The following MGAT4C variants were observed in gnomAD, a reference collection of about 807,000 sequenced individuals.
MGAT4C encodes MGAT4 family member C, also known as alpha-1,3-mannosyl-glycoprotein 4-beta-N-acetylglucosaminyltransferase C.
A neutral mutation model predicts 40.1 loss-of-function variants in MGAT4C; 19 were observed. The observed-to-expected ratio is 0.47, with a 90% confidence interval of 0.33 to 0.70. The LOEUF (loss-of-function observed/expected upper bound fraction) is 0.70, where lower values mean the gene tolerates loss of function less well. Among genes scored for constraint, MGAT4C ranks in the 30% least tolerant of loss-of-function variants. The probability of loss-of-function intolerance (pLI) is 0.02; values close to 1 mark genes in which losing one functional copy is unlikely to be tolerated. For synonymous variants in MGAT4C, 181 were observed against 187.1 expected (o/e 0.97, Z 0.27); for missense variants, 491 against 563.2 (o/e 0.87, Z 1.30).
chr12:86,712,855 C>A (rs1431212436), intron 2 of MGAT4C, among the ~76,000 whole-genome samples: 1 of 152,064 alleles, frequency 6.6e-6, no homozygotes, highest in African/African-American at 2.4e-5. Flanking sequence ...TTTTCCACCA[C>A]CCAATACCTA....
intron 2 of MGAT4C, among the ~76,000 whole-genome samples, chr12:86,681,261 GGTGA>G (rs1949976223): frequency 6.6e-6 from 1 of 151,696 alleles, no homozygotes; most frequent in African/African-American, 2.4e-5. Flanking sequence ...TTGCTGATGA[GGTGA>G]TTTTTAAAAA....
chr12:86,118,644 A>T (rs1282405151), intron 1 of MGAT4C, among the ~76,000 whole-genome samples: 1 of 152,168 alleles, frequency 6.6e-6, no homozygotes, highest in Non-Finnish European at 1.5e-5. Context: ...GAAAAATGAT[A>T]TGTTTATAAA....
chr12:86,171,468 C>G (rs1482954901), intron 1 of MGAT4C, among the ~76,000 whole-genome samples: 1 of 152,142 alleles, frequency 6.6e-6, no homozygotes, highest in Non-Finnish European at 1.5e-5. Context: ...TTGCATAGCA[C>G]TTTGGTGTAC....
chr12:86,037,680 T>G (rs1341867032), intron 2 of MGAT4C, among the ~76,000 whole-genome samples: 1 of 136,708 alleles, frequency 7.3e-6, no homozygotes, highest in Non-Finnish European at 1.7e-5. Context: ...TCCATTCTTT[T>G]GCATTTGCTG....
intron 2 of MGAT4C, among the ~76,000 whole-genome samples, chr12:86,713,958 A>G (rs943711416): frequency 1.3e-5 from 2 of 152,190 alleles, no homozygotes; most frequent in African/African-American, 4.8e-5. Context: ...GAAGCATATT[A>G]GAAAATGGTT....
intron 2 of MGAT4C, among the ~76,000 whole-genome samples, chr12:86,537,153 T>C (rs1179347109): frequency 1.3e-5 from 2 of 151,126 alleles, no homozygotes; most frequent in African/African-American, 2.4e-5. Flanking sequence ...TTCTCACTCA[T>C]AGGTGGGAAT....
rs1882946827 is a variant in MGAT4C at position 85,958,648 on chromosome 12, A to G, written c.*20641T>C. On this transcript the variant is annotated 3_prime_UTR_variant, in exon 5 of 5. Coordinates refer to ENST00000611864, the MANE Select transcript of MGAT4C (RefSeq NM_001351288.2). Reference sequence around the variant, plus strand: ...ACCTGTTCAGTAAGTGTTGGCAACTATGAATTAATCTTTGACAAATTCACT... The same window carrying G: ...ACCTGTTCAGTAAGTGTTGGCAACTGTGAATTAATCTTTGACAAATTCACT... The G allele has an allele frequency of 1.3e-5, 2 of 152,148 alleles. No individual in the cohort carries two copies. The highest frequency in any genetic ancestry group is 2.1e-4 in the South Asian group (1 of 4,834). The allele number at this position is 152,148 out of a possible 1,614,324, so 9.4% of individuals were successfully genotyped here. A position where few individuals can be genotyped will look rare whatever the true frequency, so the allele number is the denominator to read the frequency against.
At chr12:86,081,163 A>G (rs1298389890) in intron 1 of MGAT4C, among the ~76,000 whole-genome samples, 1 of 152,288 alleles carries the variant, frequency 6.6e-6, no homozygotes, top group South Asian at 2.1e-4. Context: ...TAATAAAACA[A>G]TAGTAGTGAA....
rs1293479311 is a variant in MGAT4C, at chr12:86,811,489, C to T, written c.-262+27177G>A. Among the ~76,000 whole-genome samples the T allele has an allele frequency of 3.3e-5, 5 of 150,372 alleles. 1 individual carries two copies. The highest frequency in any genetic ancestry group is 7.4e-5 in the Non-Finnish European group (5 of 67,396). ...CCAGAGTAGCTGGGATTACAGGCAC[C>T]TGACACCACGCCCAGCAAATTTTTG... On this transcript the variant is annotated intron_variant, in intron 1 of 7. Transcript: ENST00000548651.
rs534644757 is a variant in MGAT4C, at chr12:86,553,782, T to C, written c.-228-118517A>G. Among the ~76,000 whole-genome samples, 3 of 152,310 alleles carry C rather than the reference T, an allele frequency of 2.0e-5. No individual in the cohort carries two copies. In the South Asian group the frequency reaches 6.2e-4, roughly 32 times the overall value. On this transcript the variant is annotated intron_variant, in intron 2 of 7. Transcript: ENST00000548651. ...TGCTATTAGGCCCATTTTTAGAAAT[T>C]GTAATTGGAAGCTTGACTTTCAGTT...
At chr12:86,081,740 G>A (rs1870874327) in intron 1 of MGAT4C, among the ~76,000 whole-genome samples, 1 of 151,942 alleles carries the variant, frequency 6.6e-6, no homozygotes. Context: ...AGAACATGCT[G>A]ATATATAAAA....
chr12:86,296,995 G>T (rs1200239706), intron 4 of MGAT4C, among the ~76,000 whole-genome samples: 9 of 152,146 alleles, frequency 5.9e-5, no homozygotes, highest in African/African-American at 1.7e-4. Context: ...TTGTAAAAAA[G>T]GCAGATAAAG....
intron 2 of MGAT4C, among the ~76,000 whole-genome samples, chr12:86,573,463 A>G (rs1013391519): frequency 6.6e-6 from 1 of 152,048 alleles, no homozygotes; most frequent in Non-Finnish European, 1.5e-5. Flanking sequence ...TCATTTTATA[A>G]ACTCCCACAC....
intron 2 of MGAT4C, among the ~76,000 whole-genome samples, chr12:86,690,914 T>A (rs192485359): frequency 9.2e-5 from 14 of 152,322 alleles, no homozygotes; most frequent in South Asian, 2.1e-4. Context: ...ATTTTTAACC[T>A]GTTTGCATAA....
At chr12:86,801,567 C>T (rs940693472) in intron 1 of MGAT4C, among the ~76,000 whole-genome samples, 1 of 151,694 alleles carries the variant, frequency 6.6e-6, no homozygotes, top group African/African-American at 2.4e-5. Flanking sequence ...AGTATTATGT[C>T]TTGGAATGAT....
chr12:86,783,677 A>T (rs1380589240), intron 1 of MGAT4C, among the ~76,000 whole-genome samples: 1 of 152,156 alleles, frequency 6.6e-6, no homozygotes, highest in African/African-American at 2.4e-5. Flanking sequence ...TGGAGGACCA[A>T]CTAAAAAGCC....
At chr12:86,317,865 C>G (rs1483800535) in intron 4 of MGAT4C, among the ~76,000 whole-genome samples, 2 of 150,902 alleles carry the variant, frequency 1.3e-5, no homozygotes, top group Non-Finnish European at 2.9e-5. Context: ...CAAAGAACTG[C>G]TACTAGATGG....
chr12:86,443,915 A>G (rs1007884271), intron 2 of MGAT4C, among the ~76,000 whole-genome samples: 1 of 152,064 alleles, frequency 6.6e-6, no homozygotes, highest in Admixed American at 6.5e-5. Flanking sequence ...CTCTTTTAAC[A>G]AAGTTTTACC....
At chr12:86,098,298 T>C (rs1032897219) in intron 1 of MGAT4C, among the ~76,000 whole-genome samples, 7 of 151,630 alleles carry the variant, frequency 4.6e-5, no homozygotes, top group African/African-American at 2.4e-5. Flanking sequence ...TGTTATTTTG[T>C]TTCTTGGTAA....
Sources: allele counts gnomAD v4.1 joint callset (sites outside exome capture counted in the v4.1 genomes callset), GRCh38; gene constraint gnomAD v4.1.1; transcripts MANE v1.5; gene names NCBI Gene and HGNC (gene_info 2026-07-23, HGNC 2026-07-21).